The following SLC8A1 variants were observed in gnomAD, a reference collection of about 807,000 sequenced individuals.
SLC8A1 encodes sodium/calcium exchanger 1.
SLC8A1 carries 18 observed loss-of-function variants against 68.3 expected under a neutral mutation model. The observed-to-expected ratio is 0.26, with a 90% CI of 0.18 to 0.39. The LOEUF (loss-of-function observed/expected upper bound fraction) is 0.39, where lower values mean the gene tolerates loss of function less well. SLC8A1 is among the 10% of genes least tolerant of loss of function. The pLI, the probability that SLC8A1 is intolerant of heterozygous loss-of-function variation, is 1.00. For missense variants in SLC8A1, 985 were observed against 1,156.7 expected (o/e 0.85, Z 2.15); for synonymous variants, 475 against 415.5 (o/e 1.14, Z -1.74).
rs973219180 is a variant in SLC8A1 at position 40,345,832 on chromosome 2, T to C, written c.1808+82641A>G. ...ACACAGGGAGGGGAACATCACACAC[T>C]GGGCCCTGTCGGGCGGTGGAGGGCA... On this transcript the variant is annotated intron_variant, in intron 2 of 7. Transcript: ENST00000406785. 2.0e-4 allele frequency among the ~76,000 whole-genome samples: 30 copies of C among 151,968 alleles called. No individual in the cohort carries two copies. In the East Asian group the frequency reaches 5.6e-3, roughly 28 times the overall value.
At chr2:40,389,403 C>G (rs1262387538) in intron 2 of SLC8A1, among the ~76,000 whole-genome samples, 1 of 152,004 alleles carries the variant, frequency 6.6e-6, no homozygotes, top group Non-Finnish European at 1.5e-5. Flanking sequence ...TATTTACAAT[C>G]TAATCTAAGC....
intron 2 of SLC8A1, among the ~76,000 whole-genome samples, chr2:40,336,582 CT>C (rs1236635809): frequency 6.6e-6 from 1 of 152,080 alleles, no homozygotes; most frequent in African/African-American, 2.4e-5. Flanking sequence ...CTAAACTGAC[CT>C]TTTCCCCTGG....
intron 2 of SLC8A1, among the ~76,000 whole-genome samples, chr2:40,398,382 T>C (rs1687651133): frequency 6.6e-6 from 1 of 152,216 alleles, no homozygotes; most frequent in Admixed American, 6.5e-5. Flanking sequence ...TACTGTCTTG[T>C]TCCTGGTTAT....
At position 40,437,381 on chromosome 2, in the gene SLC8A1, G is replaced by A. The variant is rs564025725; in HGVS notation, c.-24-7077C>T. ...TGCCTGATGCCTTCCCACTCCCCAA[G>A]TAAGTATTGTAAGCACTTCTATTCG... On this transcript the variant is annotated intron_variant, in intron 1 of 7. Transcript: ENST00000406785. 2.1e-4 allele frequency among the ~76,000 whole-genome samples: 32 copies of A among 152,156 alleles called. No homozygotes were observed. The South Asian group carries it at 6.4e-3, about 31-fold the overall frequency.
chr2:40,180,079 T>C (rs1473973672), intron 2 of SLC8A1, among the ~76,000 whole-genome samples: 4 of 152,130 alleles, frequency 2.6e-5, no homozygotes, highest in Admixed American at 6.6e-5. Flanking sequence ...ATGAACACAC[T>C]AGATGAACAG....
At chr2:40,422,801 C>A (rs1559618798) in intron 2 of SLC8A1, among the ~76,000 whole-genome samples, 1 of 151,988 alleles carries the variant, frequency 6.6e-6, no homozygotes, top group African/African-American at 2.4e-5. Flanking sequence ...CTTCAAGAGG[C>A]AAAGTAGTAT....
At chr2:40,116,844 A>G (rs1170256680) in intron 7 of SLC8A1, 2 of 152,196 alleles carry the variant, frequency 1.3e-5, no homozygotes, top group Admixed American at 1.3e-4. Flanking sequence ...TCCACTACAG[A>G]AGGTTGAACA....
exon 8 of SLC8A1, chr2:40,115,030 C>G (rs1176630756): frequency 3.5e-6 from 1 of 288,686 alleles, no homozygotes; most frequent in East Asian, 6.0e-5. Flanking sequence ...CTAGACTGAG[C>G]TGCAAAGATG....
At chr2:40,454,480 C>CTTTT (rs543088073), upstream of SLC8A1, among the ~76,000 whole-genome samples, 4 of 119,534 alleles carry the variant, frequency 3.3e-5, no homozygotes, top group Admixed American at 8.5e-5. Flanking sequence ...TGTCTTAAGA[C>CTTTT]TTTTTTTTTT....
intron 2 of SLC8A1, among the ~76,000 whole-genome samples, chr2:40,348,396 T>C (rs532758616): frequency 4.9e-4 from 74 of 152,334 alleles, no homozygotes; most frequent in African/African-American, 1.8e-3. Context: ...TCAGATCTCC[T>C]ATCCCATCAA....
rs571075704 is a variant in SLC8A1 at position 40,244,330 on chromosome 2, G to T, written c.1809-66475C>A. 2.6e-5 allele frequency among the ~76,000 whole-genome samples: 4 copies of T among 152,178 alleles called. No homozygotes were observed. The East Asian group carries it at 5.8e-4, about 22-fold the overall frequency. On this transcript the variant is annotated intron_variant, in intron 2 of 7. Transcript: ENST00000406785. ...CTACTACGTGAGTCTCCTTCTGAGC[G>T]TTTCCACATCTATTATCTCTTTAAA... is the stretch of plus-strand genomic sequence containing the variant.
intron 2 of SLC8A1, among the ~76,000 whole-genome samples, chr2:40,228,848 A>G (rs1026292950): frequency 6.6e-6 from 1 of 152,118 alleles, no homozygotes; most frequent in African/African-American, 2.4e-5. Context: ...AGCTATACCT[A>G]TTGTTAGAGA....
chr2:40,467,675 C>T (rs1703772984), intron 1 of SLC8A1, among the ~76,000 whole-genome samples: 1 of 152,126 alleles, frequency 6.6e-6, no homozygotes. Flanking sequence ...CTTGTTATTC[C>T]TGTCAGAACG....
At chr2:40,482,922 C>T (rs758107268) in intron 1 of SLC8A1, among the ~76,000 whole-genome samples, 24 of 150,362 alleles carry the variant, frequency 1.6e-4, no homozygotes, top group Non-Finnish European at 3.1e-4. Context: ...TCCCGAGTAG[C>T]TGGGACTACA....
intron 3 of SLC8A1, chr2:40,177,670 A>C (rs1001600856): frequency 1.2e-6 from 1 of 832,188 alleles, no homozygotes; most frequent in South Asian, 1.5e-5. Context: ...GAGGAAGAGG[A>C]GAGAGTTAAG....
intron 2 of SLC8A1, among the ~76,000 whole-genome samples, chr2:40,320,747 T>G (rs925033539): frequency 3.9e-5 from 6 of 152,192 alleles, no homozygotes; most frequent in Non-Finnish European, 8.8e-5. Context: ...TTTTCAATAT[T>G]TCCTAAACTT....
At chr2:40,404,003 A>G (rs1689563829) in intron 2 of SLC8A1, among the ~76,000 whole-genome samples, 1 of 152,208 alleles carries the variant, frequency 6.6e-6, no homozygotes, top group Non-Finnish European at 1.5e-5. Flanking sequence ...TTGCAGATAC[A>G]CTGGTATCTA....
chr2:40,221,325 T>C (rs11682111), intron 2 of SLC8A1, among the ~76,000 whole-genome samples: 71,509 of 151,976 alleles, frequency 0.47, 18,007 homozygotes, highest in Non-Finnish European at 0.58. Flanking sequence ...TCAGTAAAAT[T>C]CAACACCCCT....
intron 2 of SLC8A1, among the ~76,000 whole-genome samples, chr2:40,399,481 A>G (rs1406640725): frequency 6.6e-6 from 1 of 152,166 alleles, no homozygotes; most frequent in African/African-American, 2.4e-5. Flanking sequence ...TTGAAGGAGA[A>G]GTTGGCTGAA....
Sources: allele counts gnomAD v4.1 joint callset (sites outside exome capture counted in the v4.1 genomes callset), GRCh38; gene constraint gnomAD v4.1.1; transcripts MANE v1.5; gene names NCBI Gene and HGNC (gene_info 2026-07-23, HGNC 2026-07-21).